IL1RAPL2: variants seen among roughly 807,000 people sequenced by gnomAD.
The protein encoded by IL1RAPL2 is X-linked interleukin-1 receptor accessory protein-like 2.
IL1RAPL2 carries 3 observed loss-of-function variants against 44.1 expected under a neutral mutation model. The observed-to-expected ratio is 0.07, with a 90% CI of 0.03 to 0.18. The LOEUF (loss-of-function observed/expected upper bound fraction) is 0.18. IL1RAPL2 is among the 10% of genes least tolerant of loss of function. IL1RAPL2 has a pLI of 1.00. For missense variants in IL1RAPL2, 391 were observed against 496.4 expected, an observed-to-expected ratio of 0.79 and a Z score of 2.02; for synonymous variants, 181 against 178.8, an observed-to-expected ratio of 1.01 and a Z score of -0.10.
At chrX:104,663,108 A>T (rs749549476) in intron 2 of IL1RAPL2, among the ~76,000 whole-genome samples, 64 of 112,141 alleles carry the variant, frequency 5.7e-4, no homozygotes, top group African/African-American at 2.0e-3. Flanking sequence ...CCACGTAATG[A>T]GAGAATGGCT....
chrX:104,775,498 ATTTCTGAAGGG>A (rs1932704470), intron 2 of IL1RAPL2, among the ~76,000 whole-genome samples: 1 of 112,039 alleles, frequency 8.9e-6, no homozygotes. Flanking sequence ...GATTAGTTGC[ATTTCTGAAGGG>A]TTTTGTTGAG....
At chrX:104,714,373 G>A (rs1196654234) in intron 2 of IL1RAPL2, among the ~76,000 whole-genome samples, 4 of 111,055 alleles carry the variant, frequency 3.6e-5, no homozygotes, top group African/African-American at 1.3e-4. Context: ...GTGGGACCAG[G>A]TGGAAAAAAT....
intron 2 of IL1RAPL2, among the ~76,000 whole-genome samples, chrX:104,800,397 G>A (rs1932877268): frequency 9.0e-6 from 1 of 111,420 alleles, no homozygotes; most frequent in South Asian, 3.8e-4. Context: ...GCTGGTTTAT[G>A]TTAGTGATTG....
intron 2 of IL1RAPL2, among the ~76,000 whole-genome samples, chrX:105,185,668 T>C (rs1177560061): frequency 8.9e-6 from 1 of 112,177 alleles, no homozygotes; most frequent in African/African-American, 3.2e-5. Flanking sequence ...TACCTTGGCA[T>C]TTGGGTCCAG....
At chrX:105,054,093 A>G (rs952989832) in intron 2 of IL1RAPL2, among the ~76,000 whole-genome samples, 3 of 111,596 alleles carry the variant, frequency 2.7e-5, no homozygotes. Flanking sequence ...TCTGGCAGTT[A>G]AGGGTCAAAG....
chrX:104,973,579 T>A (rs1403920738), intron 2 of IL1RAPL2, among the ~76,000 whole-genome samples: 2 of 112,190 alleles, frequency 1.8e-5, no homozygotes, highest in South Asian at 3.7e-4. Context: ...CTTACAGAAT[T>A]GAAAACTTTC....
chrX:104,890,445 C>T (rs1209371742), intron 2 of IL1RAPL2, among the ~76,000 whole-genome samples: 1 of 111,906 alleles, frequency 8.9e-6, no homozygotes, highest in Non-Finnish European at 1.9e-5. Context: ...TTCTCCACAT[C>T]CTCTCCAGCA....
intron 2 of IL1RAPL2, among the ~76,000 whole-genome samples, chrX:105,169,406 A>C (rs906036016): frequency 9.2e-6 from 1 of 108,906 alleles, no homozygotes; most frequent in African/African-American, 3.4e-5. Context: ...TGAAAAAAAA[A>C]AACAACCATG....
At chrX:104,667,001 G>T (rs1006536839) in intron 2 of IL1RAPL2, among the ~76,000 whole-genome samples, 1 of 111,154 alleles carries the variant, frequency 9.0e-6, no homozygotes, top group Non-Finnish European at 1.9e-5. Context: ...CTTGCACCAG[G>T]ACTATTTTCT....
intron 5 of IL1RAPL2, among the ~76,000 whole-genome samples, chrX:105,471,705 G>A (rs1203399017): frequency 9.0e-6 from 1 of 110,994 alleles, no homozygotes; most frequent in Non-Finnish European, 1.9e-5. Context: ...AAAGGGTTGG[G>A]TTTTGGTCAG....
At chrX:104,901,678 G>T (rs1923822543) in intron 2 of IL1RAPL2, among the ~76,000 whole-genome samples, 1 of 111,208 alleles carries the variant, frequency 9.0e-6, no homozygotes, top group South Asian at 3.8e-4. Context: ...GAAACATAGA[G>T]GGGGGACATT....
intron 2 of IL1RAPL2, among the ~76,000 whole-genome samples, chrX:104,981,738 T>C: frequency 9.0e-6 from 1 of 111,578 alleles, no homozygotes; most frequent in Middle Eastern, 4.6e-3. Context: ...CTTATTATTT[T>C]GAGTTATGTT....
chrX:104,582,151 C>T (rs186683185), intron 1 of IL1RAPL2, among the ~76,000 whole-genome samples: 4 of 112,196 alleles, frequency 3.6e-5, no homozygotes, highest in African/African-American at 6.5e-5. Context: ...ACATACACTC[C>T]GCTGCTATGT....
At chrX:105,482,167 C>A (rs1453917890) in intron 5 of IL1RAPL2, among the ~76,000 whole-genome samples, 1 of 111,803 alleles carries the variant, frequency 8.9e-6, no homozygotes, top group African/African-American at 3.2e-5. Context: ...TATGAAATCA[C>A]CACAATTGTA....
chrX:104,594,042 G>T (rs1381122525), intron 1 of IL1RAPL2, among the ~76,000 whole-genome samples: 3 of 111,577 alleles, frequency 2.7e-5, no homozygotes, highest in Non-Finnish European at 1.9e-5. Context: ...CTGCTTTCTT[G>T]CCTGCCTTCC....
At chrX:105,618,899 T>C (rs964223245) in intron 6 of IL1RAPL2, among the ~76,000 whole-genome samples, 1 of 111,390 alleles carries the variant, frequency 9.0e-6, no homozygotes, top group South Asian at 3.7e-4. Context: ...TCCCTGTTAC[T>C]GGAAGTGTGG....
intron 2 of IL1RAPL2, among the ~76,000 whole-genome samples, chrX:105,029,822 G>C: frequency 9.0e-6 from 1 of 111,285 alleles, no homozygotes; most frequent in Non-Finnish European, 1.9e-5. Flanking sequence ...CTGAGGAATT[G>C]CCACACTGAC....
chrX:104,796,512 A>C (rs921363517), intron 2 of IL1RAPL2, among the ~76,000 whole-genome samples: 5 of 112,320 alleles, frequency 4.5e-5, no homozygotes, highest in Admixed American at 9.4e-5. Flanking sequence ...GGGCTGGCCC[A>C]AAGGGTAAAG....
intron 2 of IL1RAPL2, among the ~76,000 whole-genome samples, chrX:104,823,922 A>G (rs1045751340): frequency 4.5e-4 from 50 of 111,798 alleles, no homozygotes; most frequent in Admixed American, 1.2e-3. Flanking sequence ...TTCCAATACT[A>G]TGTTGAATAG....
Sources: gnomAD v4.1 joint callset for allele counts (sites outside exome capture counted in the v4.1 genomes callset) on GRCh38, gnomAD v4.1.1 for gene constraint, MANE v1.5 for transcripts, NCBI Gene and HGNC (gene_info 2026-07-23, HGNC 2026-07-21) for gene names.